The following ADGRV1 variants were observed in gnomAD, a reference collection of about 807,000 sequenced individuals.
ADGRV1 encodes the protein G-protein coupled receptor 98.
In ADGRV1, 359 loss-of-function variants were observed where a neutral mutation model predicts 596.2. That is an observed-to-expected ratio of 0.60 (90% CI 0.55 to 0.66). The LOEUF is 0.66. ADGRV1 is among the 30% of genes least tolerant of loss of function. ADGRV1 has a pLI of 0.00. For synonymous variants in ADGRV1, 2,681 were observed against 2,679.2 expected, an observed-to-expected ratio of 1.00 and a Z score of -0.02; for missense variants, 7,274 against 7,575.6, an observed-to-expected ratio of 0.96 and a Z score of 1.48.
chr5:90,738,564 G>A (rs1322315357), intron 50 of ADGRV1, among the ~76,000 whole-genome samples: 1 of 152,096 alleles, frequency 6.6e-6, no homozygotes, highest in East Asian at 1.9e-4. Flanking sequence ...CTGAAGGACA[G>A]CTTTCCTGAG....
chr5:90,944,102 C>A (rs1325464089), intron 83 of ADGRV1, among the ~76,000 whole-genome samples: 1 of 152,118 alleles, frequency 6.6e-6, no homozygotes, highest in African/African-American at 2.4e-5. Flanking sequence ...CCATTTTATT[C>A]ATTTCTATAT....
chr5:91,144,715 G>C (rs1345004161), intron 87 of ADGRV1, among the ~76,000 whole-genome samples: 2 of 152,174 alleles, frequency 1.3e-5, no homozygotes, highest in African/African-American at 4.8e-5. Flanking sequence ...CTTTCACTAG[G>C]TAAAGAATAG....
At chr5:90,634,548 T>C (rs1457362783) in intron 9 of ADGRV1, among the ~76,000 whole-genome samples, 1 of 152,200 alleles carries the variant, frequency 6.6e-6, no homozygotes, top group Non-Finnish European at 1.5e-5. Flanking sequence ...AGTCTTCTGA[T>C]ACTGGATTTT....
chr5:91,049,275 T>C (rs1204337612), intron 85 of ADGRV1, among the ~76,000 whole-genome samples: 1 of 152,176 alleles, frequency 6.6e-6, no homozygotes, highest in Non-Finnish European at 1.5e-5. Flanking sequence ...TTGTCACTGG[T>C]TTATCCCCAT....
At chr5:90,658,366 T>C (rs1220718333) in intron 21 of ADGRV1, 88 bp downstream of exon 21, 9 of 1,287,032 alleles carry the variant, frequency 7.0e-6, no homozygotes, top group Non-Finnish European at 9.4e-6. Flanking sequence ...TTTGGTAAGA[T>C]TGGTTGCGCA....
rs11744994 is a variant in ADGRV1, at chr5:90,624,877, T to C, written c.559-253T>C. On this transcript the variant is annotated intron_variant, in intron 5 of 89. Transcript: ENST00000405460. Reference sequence around the variant, plus strand: ...AGAAATATTTGTAGAGTTTTTTTTTTCCCCTCAGGTTTAACATAATGGTTG... The same window carrying C: ...AGAAATATTTGTAGAGTTTTTTTTTCCCCCTCAGGTTTAACATAATGGTTG... 0.59 allele frequency among the ~76,000 whole-genome samples: 89,178 copies of C among 151,848 alleles called. 27,605 individuals carry two copies. The highest frequency in any genetic ancestry group is 0.79 in the African/African-American group (32,552 of 41,434).
chr5:90,807,847 C>T (rs1162612352), intron 73 of ADGRV1, 110 bp downstream of exon 73: 7 of 1,030,980 alleles, frequency 6.8e-6, no homozygotes, highest in South Asian at 2.5e-5. Flanking sequence ...CAAACACAAA[C>T]ATAGTTTTAG....
chr5:90,838,245 A>ATT (rs79081926), intron 77 of ADGRV1, among the ~76,000 whole-genome samples: 1 of 149,252 alleles, frequency 6.7e-6, no homozygotes, highest in Non-Finnish European at 1.5e-5. Flanking sequence ...GCATTCATTG[A>ATT]TTTTTTTTTT....
intron 79 of ADGRV1, among the ~76,000 whole-genome samples, chr5:90,849,523 G>C (rs1272843908): frequency 6.6e-6 from 1 of 152,018 alleles, no homozygotes; most frequent in Non-Finnish European, 1.5e-5. Context: ...CCTAATAGCT[G>C]GGACCAGAGG....
At chr5:90,587,557 T>C (rs1017371462) in intron 1 of ADGRV1, among the ~76,000 whole-genome samples, 2 of 21,806 alleles carry the variant, frequency 9.2e-5, no homozygotes, top group African/African-American at 5.5e-4. Flanking sequence ...TTCTGTGTCT[T>C]TTTTTTTTTT....
intron 21 of ADGRV1, among the ~76,000 whole-genome samples, chr5:90,665,187 G>T (rs1446808449): frequency 2.0e-5 from 3 of 151,768 alleles, no homozygotes; most frequent in African/African-American, 7.3e-5. Flanking sequence ...CAGAAGGAAT[G>T]GTACCAGTTC....
At chr5:90,927,509 A>T (rs1774632434) in intron 83 of ADGRV1, among the ~76,000 whole-genome samples, 1 of 151,940 alleles carries the variant, frequency 6.6e-6, no homozygotes, top group Non-Finnish European at 1.5e-5. Flanking sequence ...CCATCCTTTT[A>T]TTTTGAGCCT....
intron 84 of ADGRV1, among the ~76,000 whole-genome samples, chr5:90,969,735 G>A (rs1464972241): frequency 6.6e-6 from 1 of 152,164 alleles, no homozygotes; most frequent in Admixed American, 6.5e-5. Context: ...TAAGAAGGCA[G>A]GGTTGGGGCA....
chr5:90,726,343 C>T (rs1751776969), intron 48 of ADGRV1, among the ~76,000 whole-genome samples: 1 of 152,182 alleles, frequency 6.6e-6, no homozygotes. Context: ...TTACTACAAT[C>T]AGCCTAAATG....
intron 50 of ADGRV1, among the ~76,000 whole-genome samples, chr5:90,743,804 C>G (rs1580970755): frequency 6.6e-6 from 1 of 151,858 alleles, no homozygotes; most frequent in Non-Finnish European, 1.5e-5. Context: ...ATGTGTTTAT[C>G]TAGGTACTGG....
rs1042397759 is a variant in ADGRV1 at position 91,042,587 on chromosome 5, C to T, written c.18153-29860C>T. Among the ~76,000 whole-genome samples the T allele has an allele frequency of 3.3e-5, 5 of 152,158 alleles. No individual in the cohort carries two copies. In the South Asian group the frequency reaches 6.2e-4, roughly 19 times the overall value. The stretch of plus-strand genomic sequence containing the variant: ...TTCTGGGATACATGTGCACAACCTG[C>T]AGGTTTGTTACATAGGTGTACACGT... On this transcript the variant is annotated intron_variant, in intron 85 of 89. Transcript: ENST00000405460.
At chr5:90,684,964 T>C (rs962513196) in intron 28 of ADGRV1, among the ~76,000 whole-genome samples, 2 of 152,178 alleles carry the variant, frequency 1.3e-5, no homozygotes, top group Non-Finnish European at 1.5e-5. Context: ...ACTAAATTAG[T>C]TTCCTACTCA....
intron 31 of ADGRV1, among the ~76,000 whole-genome samples, chr5:90,692,285 G>A (rs1272171014): frequency 2.6e-5 from 4 of 151,944 alleles, no homozygotes; most frequent in African/African-American, 7.3e-5. Context: ...GTTATAGGAC[G>A]TAAAAGTACT....
At chr5:91,022,980 A>G (rs2151192886) in intron 85 of ADGRV1, among the ~76,000 whole-genome samples, 1 of 152,276 alleles carries the variant, frequency 6.6e-6, no homozygotes, top group African/African-American at 2.4e-5. Context: ...GGGGTAGGAC[A>G]TTTGGGATCC....
Sources: gnomAD v4.1 joint callset for allele counts (sites outside exome capture counted in the v4.1 genomes callset) on GRCh38, gnomAD v4.1.1 for gene constraint, MANE v1.5 for transcripts, NCBI Gene and HGNC (gene_info 2026-07-23, HGNC 2026-07-21) for gene names.